KDM2B: variants seen among roughly 807,000 people sequenced by gnomAD.
KDM2B encodes the protein lysine demethylase 2B, also known as lysine-specific demethylase 2B.
In KDM2B, 26 loss-of-function variants were observed where a neutral mutation model predicts 150.0. The ratio of observed to expected loss-of-function variants is 0.17; its 90% CI spans 0.13 to 0.24. The LOEUF is 0.24. Among genes scored for constraint, KDM2B ranks in the 10% least tolerant of loss-of-function variants. KDM2B has a pLI of 1.00. For synonymous variants in KDM2B, 734 were observed against 729.5 expected, an observed-to-expected ratio of 1.01 and a Z score of -0.10; for missense variants, 1,265 against 1,816.9, an observed-to-expected ratio of 0.70 and a Z score of 5.52.
intron 1 of KDM2B, chr12:121,580,379 C>T: frequency 7.0e-6 from 8 of 1,136,958 alleles, no homozygotes; most frequent in Non-Finnish European, 8.6e-6. Flanking sequence ...GGGGCGGCGG[C>T]CCGAGGAGGT....
the KDM2B span, chr12:121,423,726 G>A: frequency 4.2e-6 from 3 of 714,042 alleles, no homozygotes; most frequent in South Asian, 5.9e-5. The surrounding 1 kb of genome is among the most constrained non-coding windows in gnomAD (Gnocchi z 4.3). Flanking sequence ...TCCATCCTGA[G>A]TTGTGGAAAC....
chr12:121,531,692 C>G (rs889796397), intron 8 of KDM2B, among the ~76,000 whole-genome samples: 2 of 152,316 alleles, frequency 1.3e-5, no homozygotes, highest in East Asian at 3.9e-4. Flanking sequence ...TAAAGCAACC[C>G]AATTCCTCCT....
At chr12:121,479,683 G>A (rs375430024) in intron 12 of KDM2B, among the ~76,000 whole-genome samples, 2 of 151,760 alleles carry the variant, frequency 1.3e-5, no homozygotes, top group Non-Finnish European at 1.5e-5. Context: ...GTGCAATGGC[G>A]TGATCTTGGC....
chr12:121,511,918 G>T (rs1363792986), intron 10 of KDM2B, among the ~76,000 whole-genome samples: 1 of 152,218 alleles, frequency 6.6e-6, no homozygotes, highest in Non-Finnish European at 1.5e-5. Flanking sequence ...GACTGGGAGA[G>T]CCAGAGGGAA....
At chr12:121,527,023 G>A (rs370564271) in intron 8 of KDM2B, among the ~76,000 whole-genome samples, 2,153 of 152,068 alleles carry the variant, frequency 0.014, 47 homozygotes, top group African/African-American at 0.05. Context: ...CAAGAGCAAC[G>A]CTCTGTCTGA....
chr12:121,483,031 G>T (rs145311404), intron 12 of KDM2B, among the ~76,000 whole-genome samples: 2,747 of 151,940 alleles, frequency 0.018, 67 homozygotes, highest in African/African-American at 0.06. Flanking sequence ...GGCGTGGTGG[G>T]GGGCGCCTGT....
Position 121,509,981 on chromosome 12 carries a change from C to T in KDM2B, c.1233G>A (p.Glu411=). The T allele has an allele frequency of 6.2e-7, 1 of 1,600,382 alleles. No individual in the cohort carries two copies. The highest frequency in any genetic ancestry group is 8.5e-7 in the Non-Finnish European group (1 of 1,172,586). The change falls in exon 11 of 23, where the codon GAG becomes GAA. Residue 411 remains glutamate (E), a synonymous_variant. Transcript: ENST00000377071. ...GAGGCTGCTGATCACAGGCCTCCTC[C>T]TCCATCTCCAGCCAGGAATCCGAAG... is the stretch of plus-strand genomic sequence containing the variant. ...GFSSDSWLEM[E]EEACDQQPQE... is the part of the protein sequence containing the mutation.
At chr12:121,524,709 G>T (rs782505902) in intron 8 of KDM2B, 1 of 454,088 alleles carries the variant, frequency 2.2e-6, no homozygotes. Flanking sequence ...AGCCCAGGAA[G>T]CATGAGAGCC....
chr12:121,430,521 C>T lies in KDM2B; in HGVS notation c.3830-52G>A. 1.4e-6 allele frequency: 2 copies of T among 1,403,596 alleles called. No individual in the cohort carries two copies. Among genetic ancestry groups the T allele is most frequent in the Non-Finnish European group, 2.0e-6 (2 of 990,586 alleles). The allele number at this position is 1,403,596 out of a possible 1,614,324, so 86.9% of individuals were successfully genotyped here. A position where few individuals can be genotyped will look rare whatever the true frequency, so the allele number is the denominator to read the frequency against. The stretch of plus-strand genomic sequence containing the variant: ...GTGTGAAGGCCAGGAGCCAGAAGCC[C>T]CCCCGCCGCCAGACCCAGGCACTCA... On this transcript the variant is annotated intron_variant, in intron 22 of 22. Coordinates refer to ENST00000377071, the MANE Select transcript of KDM2B (RefSeq NM_032590.5). This position sits in a 1 kb window ranked among gnomAD's most constrained non-coding sequence, Gnocchi z 4.4.
intron 10 of KDM2B, among the ~76,000 whole-genome samples, chr12:121,511,934 T>A (rs781912414): frequency 1.3e-5 from 2 of 152,126 alleles, no homozygotes. Flanking sequence ...GGGAAAACAG[T>A]GGCAGGAAAA....
intron 8 of KDM2B, among the ~76,000 whole-genome samples, chr12:121,531,217 C>A (rs1887638102): frequency 6.6e-6 from 1 of 152,146 alleles, no homozygotes; most frequent in South Asian, 2.1e-4. Context: ...CTGAGCCAAG[C>A]AGGTCTGAGG....
intron 11 of KDM2B, among the ~76,000 whole-genome samples, chr12:121,504,986 A>G (rs555415418): frequency 2.2e-4 from 33 of 151,912 alleles, no homozygotes; most frequent in African/African-American, 7.5e-4. Context: ...GCGTTGTGGC[A>G]GGCGCCTGTA....
chr12:121,511,926 GA>G (rs1432399737), intron 10 of KDM2B, among the ~76,000 whole-genome samples: 5 of 152,180 alleles, frequency 3.3e-5, no homozygotes, highest in Non-Finnish European at 7.3e-5. Context: ...GAGCCAGAGG[GA>G]AAACAGTGGC....
intron 2 of KDM2B, among the ~76,000 whole-genome samples, chr12:121,577,101 G>T (rs149142404): frequency 6.6e-6 from 1 of 152,284 alleles, no homozygotes; most frequent in East Asian, 1.9e-4. Flanking sequence ...TTTGGGGCCA[G>T]ATCTGAATTA....
intron 4 of KDM2B, among the ~76,000 whole-genome samples, chr12:121,567,503 G>C (rs1447535590): frequency 6.6e-6 from 1 of 152,094 alleles, no homozygotes; most frequent in East Asian, 1.9e-4. Context: ...GAGCCCAGGA[G>C]TCTGAGAACA....
the KDM2B span, chr12:121,420,612 A>C: frequency 3.1e-6 from 5 of 1,614,206 alleles, no homozygotes; most frequent in Non-Finnish European, 4.2e-6. Flanking sequence ...TGAGAGCTTC[A>C]CTGTCTGACT....
intron 8 of KDM2B, among the ~76,000 whole-genome samples, chr12:121,530,917 TC>T (rs540112418): frequency 3.9e-4 from 59 of 151,972 alleles, no homozygotes; most frequent in African/African-American, 7.7e-4. Flanking sequence ...AACTTGAGGG[TC>T]CCAGAGTTCA....
At chr12:121,412,301 G>A in the KDM2B span, among the ~76,000 whole-genome samples, 4 of 140,696 alleles carry the variant, frequency 2.8e-5, no homozygotes, top group Non-Finnish European at 6.0e-5. Context: ...GTACAGTGGC[G>A]CAATCTCGGC....
Position 121,430,119 on chromosome 12 carries a change from C to T in KDM2B, c.*169G>A, listed in dbSNP as rs1555285097. 6.2e-7 allele frequency: 1 copy of T among 1,612,754 alleles called. No homozygotes were observed. The highest frequency in any genetic ancestry group is 8.5e-7 in the Non-Finnish European group (1 of 1,178,848). ...AAGACCAAAGGAAAGTGTCGGCTCA[C>T]TCATCCCCCAAACGGGTGGTTGAAC... is the stretch of plus-strand genomic sequence containing the variant. On this transcript the variant is annotated 3_prime_UTR_variant, in exon 23 of 23. Coordinates refer to ENST00000377071, the MANE Select transcript of KDM2B (RefSeq NM_032590.5). This position sits in a 1 kb window ranked among gnomAD's most constrained non-coding sequence, Gnocchi z 4.4.
Sources: allele counts gnomAD v4.1 joint callset (sites outside exome capture counted in the v4.1 genomes callset), GRCh38; gene constraint gnomAD v4.1.1; non-coding constraint Gnocchi (gnomAD v3.1); transcripts MANE v1.5; gene names NCBI Gene and HGNC (gene_info 2026-07-23, HGNC 2026-07-21).